ZNF544: variants seen among roughly 807,000 people sequenced by gnomAD.
The protein encoded by ZNF544 is zinc finger protein AF020591.
ZNF544 carries 10 observed loss-of-function variants against 13.5 expected under a neutral mutation model. The observed-to-expected ratio is 0.74, with a 90% CI of 0.46 to 1.25. The LOEUF is 1.25. Ranked by LOEUF, ZNF544 falls within the 50% of genes most tolerant of loss-of-function variation. The probability of loss-of-function intolerance (pLI) is 0.00; values close to 1 mark genes in which losing one functional copy is unlikely to be tolerated. For synonymous variants in ZNF544, 323 were observed against 300.5 expected (o/e 1.07, Z -0.77); for missense variants, 896 against 845.6 (o/e 1.06, Z -0.74).
chr19:58,248,262 CT>C (rs1025723819), intron 6 of ZNF544, among the ~76,000 whole-genome samples: 26 of 136,774 alleles, frequency 1.9e-4, no homozygotes, highest in Admixed American at 8.4e-4. Context: ...AGGGTTCATG[CT>C]TTTTTTTTTC....
chr19:58,277,425 G>A, exon 7 of ZNF544: 1 of 419,154 alleles, frequency 2.4e-6, no homozygotes, highest in South Asian at 1.3e-4. Context: ...ATGGGGGTGA[G>A]CAAATAACAA....
chr19:58,246,553 G>C, intron 5 of ZNF544, 126 bp downstream of exon 5: 2 of 1,495,808 alleles, frequency 1.3e-6, no homozygotes, highest in Non-Finnish European at 1.8e-6. Context: ...GCAGTTCCCA[G>C]GGGTTGCCCT....
chr19:58,253,051 CTTGTGA>C (rs546559348), intron 6 of ZNF544, among the ~76,000 whole-genome samples: 40 of 152,358 alleles, frequency 2.6e-4, no homozygotes, highest in African/African-American at 9.1e-4. Flanking sequence ...ATTTCCTGAC[CTTGTGA>C]TCCACCCACC....
rs555904338 is a variant in ZNF544, at chr19:58,273,615, G to A, written c.245-2708G>A. On this transcript the variant is annotated intron_variant, in intron 5 of 6. Coordinates refer to the ZNF544 transcript ENST00000595981. ...TGAGGCAGGAGAATCGCTTGAACCC[G>A]GGAGGTGGAGATTGCAGTGGGCCGA... 1.3e-3 allele frequency among the ~76,000 whole-genome samples: 195 copies of A among 151,214 alleles called. 1 individual carries two copies. The highest frequency in any genetic ancestry group is 2.3e-3 in the South Asian group (11 of 4,738).
downstream of ZNF544, among the ~76,000 whole-genome samples, chr19:58,264,473 C>T (rs1304791418): frequency 1.3e-5 from 2 of 149,718 alleles, no homozygotes; most frequent in African/African-American, 4.9e-5. Flanking sequence ...GGGTGGATCA[C>T]TTGAGGACAG....
rs1046097268 is a variant in ZNF544 at position 58,263,115 on chromosome 19, G to T, written c.*361G>T. On this transcript the variant is annotated 3_prime_UTR_variant, in exon 7 of 7. Coordinates refer to ENST00000687789, the MANE Select transcript of ZNF544 (RefSeq NM_014480.4). ...CAAATGTGGAAAAGCTTCCAGTTAT[G>T]ATACTTTCCTTATTCAACATGAGAA... The T allele has an allele frequency of 9.7e-7, 1 of 1,027,016 alleles. No homozygotes were observed. The highest frequency in any genetic ancestry group is 5.0e-5 in the Admixed American group (1 of 19,948). 63.6% of individuals were successfully genotyped at this position (1,027,016 alleles called of 1,614,324 possible). A position where few individuals can be genotyped will look rare whatever the true frequency, so the allele number is the denominator to read the frequency against.
intron 1 of ZNF544, 71 bp downstream of exon 1, chr19:58,229,017 A>T (rs2040531348): frequency 6.6e-6 from 1 of 152,462 alleles, no homozygotes; most frequent in Admixed American, 6.5e-5. Context: ...GCGCAGGACC[A>T]GGCCAGAGCC....
At chr19:58,258,783 CAG>C (rs1340544487) in intron 6 of ZNF544, 3 of 152,306 alleles carry the variant, frequency 2.0e-5, no homozygotes, top group East Asian at 3.9e-4. Context: ...CTCATGAGCT[CAG>C]AGAGTGAGGC....
rs1454251951 is a variant in ZNF544, at chr19:58,262,470, C to T, written c.1864C>T (p.His622Tyr). The change falls in exon 7 of 7, where the codon CAT becomes TAT. Residue 622 changes from histidine (H) to tyrosine (Y), a missense_variant. Coordinates refer to ENST00000687789, the MANE Select transcript of ZNF544 (RefSeq NM_014480.4). ...CAATCGAAGCACTCAGCTCATCAGG[C>T]ATCTGCAAATTCACACTGGGGAGAA... ...AFNRSTQLIRHLQIHTGEKPY... is the reference protein window; with the variant it reads ...AFNRSTQLIRYLQIHTGEKPY... 7 of 1,614,074 alleles carry T rather than the reference C, an allele frequency of 4.3e-6. No homozygotes were observed. The highest frequency in any genetic ancestry group is 5.1e-6 in the Non-Finnish European group (6 of 1,180,040).
chr19:58,264,185 GGA>G (rs2049532408), downstream of ZNF544: 1 of 151,822 alleles, frequency 6.6e-6, no homozygotes, highest in South Asian at 2.1e-4. Context: ...CCTGATGTCA[GGA>G]GTTCGAGACC....
At chr19:58,268,214 G>A (rs1049389303), downstream of ZNF544, among the ~76,000 whole-genome samples, 5 of 152,076 alleles carry the variant, frequency 3.3e-5, no homozygotes, top group Admixed American at 1.3e-4. Flanking sequence ...CAGGAGAATC[G>A]CTTGAACCTG....
downstream of ZNF544, among the ~76,000 whole-genome samples, chr19:58,264,945 G>C (rs923800017): frequency 1.3e-5 from 2 of 151,988 alleles, no homozygotes; most frequent in African/African-American, 4.8e-5. Context: ...GGGGGGGATG[G>C]TCTCACCTGC....
chr19:58,248,801 C>G (rs985171982), intron 6 of ZNF544, among the ~76,000 whole-genome samples: 11 of 152,226 alleles, frequency 7.2e-5, no homozygotes, highest in African/African-American at 2.2e-4. Flanking sequence ...TGAAAGTACA[C>G]TCCACACAAT....
intron 3 of ZNF544, among the ~76,000 whole-genome samples, chr19:58,242,815 C>T (rs1316728206): frequency 1.3e-5 from 2 of 152,182 alleles, no homozygotes; most frequent in Non-Finnish European, 2.9e-5. Flanking sequence ...TCTCCTGCCT[C>T]AGCCTTCTGG....
intron 5 of ZNF544, among the ~76,000 whole-genome samples, chr19:58,272,904 C>T (rs2050805478): frequency 6.6e-6 from 1 of 151,180 alleles, no homozygotes; most frequent in South Asian, 2.1e-4. Flanking sequence ...GAAAAAAAGG[C>T]CGGGCGCGGT....
At chr19:58,248,262 CTTTTTTTTTTCT>C (rs1240755237) in intron 6 of ZNF544, among the ~76,000 whole-genome samples, 41 of 136,786 alleles carry the variant, frequency 3.0e-4, no homozygotes, top group African/African-American at 1.1e-3. Flanking sequence ...AGGGTTCATG[CTTTTTTTTTTCT>C]TTTTTTTTTT....
intron 6 of ZNF544, among the ~76,000 whole-genome samples, chr19:58,250,521 G>A (rs1483397212): frequency 6.6e-6 from 1 of 152,180 alleles, no homozygotes; most frequent in Non-Finnish European, 1.5e-5. Context: ...AAATGACACA[G>A]TCTGGGTAAC....
intron 5 of ZNF544, among the ~76,000 whole-genome samples, chr19:58,273,878 C>T (rs1405285221): frequency 1.2e-4 from 18 of 151,708 alleles, no homozygotes; most frequent in Non-Finnish European, 2.5e-4. Flanking sequence ...TCACTGCAAC[C>T]TCTGCCTCCC....
At chr19:58,256,874 C>A (rs2047543982) in intron 6 of ZNF544, among the ~76,000 whole-genome samples, 1 of 152,104 alleles carries the variant, frequency 6.6e-6, no homozygotes, top group South Asian at 2.1e-4. Flanking sequence ...AGAAGCAAGG[C>A]TAGGTGATTA....
Sources: gnomAD v4.1 joint callset for allele counts (sites outside exome capture counted in the v4.1 genomes callset) on GRCh38, gnomAD v4.1.1 for gene constraint, MANE v1.5 for transcripts, NCBI Gene and HGNC (gene_info 2026-07-23, HGNC 2026-07-21) for gene names.